The following PDE2A variants were observed in gnomAD, a reference collection of about 807,000 sequenced individuals.
The protein encoded by PDE2A is cGMP-dependent 3',5'-cyclic phosphodiesterase.
Under a neutral mutation model 133.6 loss-of-function variants are expected in PDE2A, and 53 were observed. The observed-to-expected ratio is 0.40, with a 90% CI of 0.32 to 0.50. PDE2A has a LOEUF of 0.50. Among genes scored for constraint, PDE2A ranks in the 20% least tolerant of loss-of-function variants. The pLI is 0.73. For missense variants in PDE2A, 796 were observed against 1,232.4 expected (o/e 0.65, Z 5.30); for synonymous variants, 491 against 490.2 (o/e 1.00, Z -0.02).
chr11:72,582,377 G>A (rs544050207), intron 21 of PDE2A, 67 bp downstream of exon 21: 74 of 1,479,676 alleles, frequency 5.0e-5, no homozygotes, highest in South Asian at 1.2e-4. Flanking sequence ...TTCTTGATGC[G>A]CATTTAACTT....
At chr11:72,581,081 G>T in intron 23 of PDE2A, 108 bp from the exon 24 acceptor site, 1 of 844,102 alleles carries the variant, frequency 1.2e-6, no homozygotes, top group Non-Finnish European at 2.0e-6. Context: ...CACTGGGACA[G>T]GAGGTTGGAA....
In PDE2A at chr11:72,586,036, G is replaced by A. The variant is rs77402354; in HGVS notation, c.1182+34C>T. On this transcript the variant is annotated intron_variant, in intron 14 of 30. Transcript: ENST00000334456. Reference sequence around the variant, plus strand: ...CTCGGGGCTGAAAACTGAGCGAGTCGGTGCCCGAGAGAGGCTGAAGGCAGG... The same window carrying A: ...CTCGGGGCTGAAAACTGAGCGAGTCAGTGCCCGAGAGAGGCTGAAGGCAGG... 1,386 of 1,257,522 alleles carry A rather than the reference G, an allele frequency of 1.1e-3. 8 individuals carry two copies. In the African/African-American group the frequency reaches 0.018, roughly 16 times the overall value. 77.9% of individuals were successfully genotyped at this position (1,257,522 alleles called of 1,614,324 possible).
intron 3 of PDE2A, among the ~76,000 whole-genome samples, chr11:72,606,429 G>A (rs1339913995): frequency 6.6e-6 from 1 of 152,166 alleles, no homozygotes; most frequent in African/African-American, 2.4e-5. Context: ...CCACAATCCT[G>A]CCAGCCACTC....
chr11:72,588,690 C>T, intron 13 of PDE2A, 94 bp downstream of exon 13: 16 of 1,257,370 alleles, frequency 1.3e-5, no homozygotes, highest in Non-Finnish European at 1.8e-5. Flanking sequence ...ACAGTAGCCC[C>T]TGCCCAGTAC....
At chr11:72,580,827 G>A (rs1855692241) in intron 24 of PDE2A, 59 bp downstream of exon 24, 1 of 1,132,630 alleles carries the variant, frequency 8.8e-7, no homozygotes, top group African/African-American at 1.5e-5. Flanking sequence ...GGCTGGGAGA[G>A]GATGAGACTC....
intron 2 of PDE2A, chr11:72,635,886 T>C: frequency 1.3e-6 from 1 of 788,052 alleles, no homozygotes; most frequent in Non-Finnish European, 1.6e-6. Flanking sequence ...GCTCTGCCTG[T>C]CTCCCTTTGC....
At chr11:72,581,998 G>T (rs1337223588) in intron 21 of PDE2A, 51 bp from the exon 22 acceptor site, 3 of 1,392,636 alleles carry the variant, frequency 2.2e-6, no homozygotes, top group Non-Finnish European at 3.1e-6. Context: ...TCAAGACGGG[G>T]CCCTTGCCTG....
Position 72,578,386 on chromosome 11 carries a change from G to A in PDE2A, c.2509-47C>T, listed in dbSNP as rs1855559575. 5 of 1,574,568 alleles carry A rather than the reference G, an allele frequency of 3.2e-6. No homozygotes were observed. In the South Asian group the frequency reaches 5.5e-5, roughly 17 times the overall value. On this transcript the variant is annotated intron_variant, in intron 29 of 30. Coordinates refer to ENST00000334456, the MANE Select transcript of PDE2A (RefSeq NM_002599.5). The surrounding 1 kb of genome is among the most constrained non-coding windows in gnomAD (Gnocchi z 4.2). The stretch of plus-strand genomic sequence containing the variant: ...GCCTGTCCCTCTCATTCCTCCATCG[G>A]GTACCAGGGTCAGGCTAGTTCAAGC...
At chr11:72,664,519 G>GC (rs367913477) in intron 1 of PDE2A, among the ~76,000 whole-genome samples, 194 of 145,440 alleles carry the variant, frequency 1.3e-3, no homozygotes, top group Admixed American at 4.6e-3. Context: ...GACTACAGGC[G>GC]CCCCCCACCA....
chr11:72,623,090 C>T (rs893460771), intron 2 of PDE2A, among the ~76,000 whole-genome samples: 46 of 152,142 alleles, frequency 3.0e-4, no homozygotes, highest in African/African-American at 9.2e-4. Context: ...CACAGCCCAA[C>T]GTCTCCAAAG....
intron 2 of PDE2A, among the ~76,000 whole-genome samples, chr11:72,625,171 C>A (rs78923661): frequency 0.016 from 2,511 of 152,320 alleles, 51 homozygotes; most frequent in African/African-American, 0.057. Context: ...CAGCAGGAAC[C>A]CTGGGCCCTC....
intron 1 of PDE2A, among the ~76,000 whole-genome samples, chr11:72,650,917 A>G (rs1854721786): frequency 6.6e-6 from 1 of 150,776 alleles, no homozygotes; most frequent in Non-Finnish European, 1.5e-5. Flanking sequence ...ACACACACAC[A>G]CACACACACA....
chr11:72,646,078 G>A (rs1378554615), intron 1 of PDE2A, among the ~76,000 whole-genome samples: 1 of 152,208 alleles, frequency 6.6e-6, no homozygotes, highest in Non-Finnish European at 1.5e-5. Flanking sequence ...CCCGGTGTCT[G>A]CACCCTCTGC....
chr11:72,631,257 T>C, intron 2 of PDE2A: 1 of 716,932 alleles, frequency 1.4e-6, no homozygotes, highest in Non-Finnish European at 2.3e-6. Flanking sequence ...CAGGGAGCCT[T>C]GCCTGCTTGC....
chr11:72,634,416 G>A (rs1156893177), intron 2 of PDE2A, among the ~76,000 whole-genome samples: 1 of 152,192 alleles, frequency 6.6e-6, no homozygotes, highest in Non-Finnish European at 1.5e-5. Context: ...GGGAAGTGGG[G>A]GAGGCTGTGG....
At chr11:72,612,510 G>A (rs1407577398) in intron 2 of PDE2A, among the ~76,000 whole-genome samples, 2 of 152,126 alleles carry the variant, frequency 1.3e-5, no homozygotes, top group Non-Finnish European at 2.9e-5. Context: ...AGTTCTGTGT[G>A]GCCTTACGCA....
chr11:72,578,337 C>T lies in PDE2A; in HGVS notation c.2511G>A (p.Glu837=), dbSNP rs772561675. 3.7e-6 allele frequency: 6 copies of T among 1,611,866 alleles called. No homozygotes were observed. Among genetic ancestry groups the T allele is most frequent in the Non-Finnish European group, 5.1e-6 (6 of 1,177,958 alleles). Residue 837 remains glutamate (E), a splice_region_variant and synonymous_variant, in exon 30 of 31, where the codon GAG becomes GAA. Transcript: ENST00000334456. This position sits in a 1 kb window ranked among gnomAD's most constrained non-coding sequence, Gnocchi z 4.2. ...CCATCGGCCTGTTGCCCATGGCCTT[C>T]TCCTGCAGGCATCGAGTCGTCAGGC... is the stretch of plus-strand genomic sequence containing the variant. ...YKEFFSQGDL[E]KAMGNRPMEM...
chr11:72,642,237 C>T lies in PDE2A; in HGVS notation c.144+17G>A. ...GACACCCCGTTCTCCTGGTGCCCAG[C>T]GCGGGGGCCCCCCTACCTGCAGGCT... On this transcript the variant is annotated intron_variant, in intron 2 of 30. Transcript: ENST00000334456. 6.7e-7 allele frequency: 1 copy of T among 1,492,502 alleles called. No homozygotes were observed. The highest frequency in any genetic ancestry group is 1.3e-5 in the South Asian group (1 of 74,732). The allele number at this position is 1,492,502 out of a possible 1,614,324, so 92.5% of individuals were successfully genotyped here.
rs1439413099 is a variant in PDE2A, at chr11:72,590,420, C to T, written c.703+7G>A. ...GCCCTCGTGACCTGTCCAGGCCGGG[C>T]CCTCACCGCACAGTTGGAGGATCTT... On this transcript the variant is annotated splice_region_variant and intron_variant, in intron 8 of 30. Transcript: ENST00000334456. This position sits in a 1 kb window ranked among gnomAD's most constrained non-coding sequence, Gnocchi z 4.8. The T allele has an allele frequency of 6.4e-7, 1 of 1,573,098 alleles. No individual in the cohort carries two copies.
Sources: allele counts gnomAD v4.1 joint callset (sites outside exome capture counted in the v4.1 genomes callset), GRCh38; gene constraint gnomAD v4.1.1; non-coding constraint Gnocchi (gnomAD v3.1); transcripts MANE v1.5; gene names NCBI Gene and HGNC (gene_info 2026-07-23, HGNC 2026-07-21).